The following MYH15 variants were observed in gnomAD, a reference collection of about 807,000 sequenced individuals.
The protein encoded by MYH15 is myosin heavy chain 15.
Under a neutral mutation model 240.5 loss-of-function variants are expected in MYH15, and 227 were observed. The ratio of observed to expected loss-of-function variants is 0.94; its 90% CI spans 0.85 to 1.05. The LOEUF is 1.05. Among genes scored for constraint, MYH15 ranks in the 50% least tolerant of loss-of-function variants. MYH15 has a pLI of 0.00. For missense variants in MYH15, 2,217 were observed against 2,247.5 expected (o/e 0.99, Z 0.27); for synonymous variants, 785 against 796.7 (o/e 0.99, Z 0.25).
intron 1 of MYH15, among the ~76,000 whole-genome samples, chr3:108,526,899 G>A (rs2083676774): frequency 2.6e-5 from 4 of 152,206 alleles, no homozygotes; most frequent in Non-Finnish European, 2.9e-5. Context: ...CAGATCAAAC[G>A]CAGTGAGTTA....
chr3:108,429,092 G>C (rs1183688614), intron 26 of MYH15, among the ~76,000 whole-genome samples: 2 of 152,160 alleles, frequency 1.3e-5, no homozygotes, highest in Non-Finnish European at 2.9e-5. Context: ...AGCCCCTGAT[G>C]ATGGGCAAGC....
chr3:108,523,913 TATG>T (rs142603919), intron 1 of MYH15, among the ~76,000 whole-genome samples: 2,006 of 152,122 alleles, frequency 0.013, 44 homozygotes, highest in African/African-American at 0.046. Flanking sequence ...TTAATGATTC[TATG>T]ATATTTCACA....
intron 21 of MYH15, among the ~76,000 whole-genome samples, chr3:108,449,273 A>C (rs2082953246): frequency 6.6e-6 from 1 of 152,042 alleles, no homozygotes; most frequent in African/African-American, 2.4e-5. Context: ...GAACCACAAA[A>C]GACCTCAAAT....
At chr3:108,549,700 C>A in the MYH15 span, among the ~76,000 whole-genome samples, 1 of 151,974 alleles carries the variant, frequency 6.6e-6, no homozygotes, top group Non-Finnish European at 1.5e-5. Flanking sequence ...CTTTTAGCCA[C>A]TGGCTATGGG....
chr3:108,390,809 T>C lies in MYH15; in HGVS notation c.5430+951A>G, dbSNP rs935757517. 3.9e-5 allele frequency among the ~76,000 whole-genome samples: 6 copies of C among 152,220 alleles called. No homozygotes were observed. In the South Asian group the frequency reaches 1.2e-3, roughly 32 times the overall value. On this transcript the variant is annotated intron_variant, in intron 37 of 40. Coordinates refer to ENST00000693548, the MANE Select transcript of MYH15 (RefSeq NM_014981.3). ...CTTTGACTTAAACTTGTTTTTTTAA[T>C]TATAAAGTATGCAAATGATTTATAT... is the stretch of plus-strand genomic sequence containing the variant.
At chr3:108,421,275 C>G in intron 27 of MYH15, 61 bp from the exon 28 acceptor site, 1 of 1,577,318 alleles carries the variant, frequency 6.3e-7, no homozygotes, top group Non-Finnish European at 8.6e-7. Flanking sequence ...ATCAGCTGCA[C>G]AAAGGAAGAG....
chr3:108,514,114 T>C (rs1167388664), upstream of MYH15, among the ~76,000 whole-genome samples: 4 of 152,214 alleles, frequency 2.6e-5, no homozygotes, highest in Admixed American at 2.0e-4. Flanking sequence ...TGGTCTGACC[T>C]AGCTGCCTTT....
chr3:108,425,939 T>A (rs1298532785), intron 27 of MYH15, among the ~76,000 whole-genome samples: 1 of 152,186 alleles, frequency 6.6e-6, no homozygotes, highest in East Asian at 1.9e-4. Flanking sequence ...AGACAGACCA[T>A]CCTTGTTACA....
intron 28 of MYH15, among the ~76,000 whole-genome samples, chr3:108,417,784 T>C (rs971830505): frequency 1.4e-5 from 1 of 73,564 alleles, no homozygotes; most frequent in African/African-American, 4.7e-5. Context: ...CGTACAGGTA[T>C]GTATATATAT....
chr3:108,499,697 G>A (rs550357510), intron 4 of MYH15, among the ~76,000 whole-genome samples: 1 of 152,164 alleles, frequency 6.6e-6, no homozygotes, highest in East Asian at 1.9e-4. Context: ...ACATATAAAG[G>A]CCTACTTCTT....
At chr3:108,550,498 C>T in the MYH15 span, 1 of 151,280 alleles carries the variant, frequency 6.6e-6, no homozygotes, top group African/African-American at 2.4e-5. Context: ...TTTTATGAGA[C>T]AGCTATTGTG....
intron 18 of MYH15, among the ~76,000 whole-genome samples, 173 bp from the exon 19 acceptor site, chr3:108,457,056 T>G (rs558619624): frequency 1.1e-4 from 16 of 152,336 alleles, no homozygotes; most frequent in African/African-American, 3.4e-4. Flanking sequence ...ACAGTAATCA[T>G]CCTATTATGT....
upstream of MYH15, among the ~76,000 whole-genome samples, chr3:108,533,118 C>CT (rs10561890): frequency 0.039 from 3,759 of 97,612 alleles, 356 homozygotes; most frequent in African/African-American, 0.12. Flanking sequence ...ACAATAAAAG[C>CT]TTTTTTTTTT....
At chr3:108,449,440 A>G (rs1480364249) in intron 21 of MYH15, among the ~76,000 whole-genome samples, 2 of 152,098 alleles carry the variant, frequency 1.3e-5, no homozygotes, top group African/African-American at 4.8e-5. Flanking sequence ...CTATGCATTT[A>G]TGGTTAATTG....
intron 27 of MYH15, 139 bp downstream of exon 27, chr3:108,428,353 C>T (rs778721471): frequency 4.8e-5 from 51 of 1,056,846 alleles, no homozygotes; most frequent in Non-Finnish European, 6.4e-5. Flanking sequence ...TGATCTATTC[C>T]GTCCAAAGGA....
chr3:108,399,004 T>C, intron 34 of MYH15, 71 bp downstream of exon 34: 6 of 1,511,872 alleles, frequency 4.0e-6, no homozygotes, highest in Non-Finnish European at 5.5e-6. Context: ...ACACAATCTG[T>C]TGCTTAGTTT....
chr3:108,413,156 G>A (rs1314845196), intron 30 of MYH15, among the ~76,000 whole-genome samples: 1 of 152,194 alleles, frequency 6.6e-6, no homozygotes, highest in Non-Finnish European at 1.5e-5. Context: ...TTAGAAGGGG[G>A]AAAAATCTTA....
At chr3:108,476,783 C>G (rs1318421518) in intron 11 of MYH15, among the ~76,000 whole-genome samples, 1 of 152,072 alleles carries the variant, frequency 6.6e-6, no homozygotes, top group African/African-American at 2.4e-5. Context: ...CCACTCACAG[C>G]CACTAGAATG....
At chr3:108,462,381 A>T (rs1334743548) in intron 16 of MYH15, among the ~76,000 whole-genome samples, 1 of 151,992 alleles carries the variant, frequency 6.6e-6, no homozygotes, top group East Asian at 1.9e-4. Context: ...CTATCTTTCT[A>T]CCTAGCCTTT....
Sources: allele counts gnomAD v4.1 joint callset (sites outside exome capture counted in the v4.1 genomes callset), GRCh38; gene constraint gnomAD v4.1.1; transcripts MANE v1.5; gene names NCBI Gene and HGNC (gene_info 2026-07-23, HGNC 2026-07-21).